OR2L5: variants seen among roughly 807,000 people sequenced by gnomAD.
OR2L5 encodes the protein olfactory receptor 2L5.
For missense variants in OR2L5, 413 were observed against 381.6 expected (o/e 1.08, Z -0.69); for synonymous variants, 169 against 142.0 (o/e 1.19, Z -1.35).
rs779551501 is a variant in OR2L5, at chr1:248,022,691, T to C, written c.744T>C (p.Thr248=). ...STCSTHLTVV[T]FYYAPFAYTY... ...GCAGCACCCACCTCACTGTAGTAACTTTCTACTATGCACCCTTTGCTTATA... is the reference window on the plus strand; with the variant it reads ...GCAGCACCCACCTCACTGTAGTAACCTTCTACTATGCACCCTTTGCTTATA... Residue 248 remains threonine (T), a synonymous_variant, in exon 2 of 2, where the codon ACT becomes ACC. Coordinates refer to ENST00000355281, the MANE Select transcript of OR2L5 (RefSeq NM_001258284.2). 10 of 1,613,990 alleles carry C rather than the reference T, an allele frequency of 6.2e-6. No individual in the cohort carries two copies. Among genetic ancestry groups the C allele is most frequent in the Admixed American group, 5.0e-5 (3 of 59,984 alleles).
rs1054122606 is a variant in OR2L5, at chr1:248,023,062, T to C, written c.*176T>C. The C allele has an allele frequency of 1.0e-5, 6 of 576,324 alleles. No individual in the cohort carries two copies. Among genetic ancestry groups the C allele is most frequent in the Non-Finnish European group, 1.7e-5 (6 of 345,370 alleles). The allele number at this position is 576,324 out of a possible 1,614,324, so 35.7% of individuals were successfully genotyped here. A position where few individuals can be genotyped will look rare whatever the true frequency, so the allele number is the denominator to read the frequency against. On this transcript the variant is annotated 3_prime_UTR_variant, in exon 2 of 2. Transcript: ENST00000355281. The stretch of plus-strand genomic sequence containing the variant: ...CATATTCTAAGACATCTATTTTGTT[T>C]CTGTTTGTGTTTCTTTTTATCAAAA...
chr1:248,017,574 A>T (rs950138940), intron 1 of OR2L5, among the ~76,000 whole-genome samples: 4 of 152,200 alleles, frequency 2.6e-5, no homozygotes, highest in African/African-American at 9.6e-5. Flanking sequence ...CTTCTGCCTT[A>T]TTGGGAAGTG....
chr1:248,022,750 C>T lies in OR2L5; in HGVS notation c.803C>T (p.Thr268Ile). 17 of 1,614,120 alleles carry T rather than the reference C, an allele frequency of 1.1e-5. No individual in the cohort carries two copies. The highest frequency in any genetic ancestry group is 1.4e-5 in the Non-Finnish European group (16 of 1,180,010). ...YLCPRSLRSL[T>I]EDKVLAVFYT... Reference sequence around the variant, plus strand: ...TGTCCAAGATCCCTGCGATCTCTGACAGAGGACAAGGTTCTGGCTGTTTTC... The same window carrying T: ...TGTCCAAGATCCCTGCGATCTCTGATAGAGGACAAGGTTCTGGCTGTTTTC... The change falls in exon 2 of 2, where the codon ACA (threonine) becomes ATA (isoleucine). Residue 268 changes from threonine (T) to isoleucine (I), a missense_variant. Physicochemically the swap from Thr to Ile is moderately conservative, Grantham distance 89 (BLOSUM62 -1). Coordinates refer to ENST00000355281, the MANE Select transcript of OR2L5 (RefSeq NM_001258284.2).
chr1:248,020,737 G>A (rs1381672948), intron 1 of OR2L5, among the ~76,000 whole-genome samples: 1 of 151,956 alleles, frequency 6.6e-6, no homozygotes, highest in African/African-American at 2.4e-5. Flanking sequence ...GTCTGACTTA[G>A]AGAAAGTTTG....
intron 1 of OR2L5, among the ~76,000 whole-genome samples, chr1:248,015,835 A>G (rs535158621): frequency 6.6e-6 from 1 of 152,328 alleles, no homozygotes; most frequent in Non-Finnish European, 1.5e-5. Context: ...TTTAAGAGGA[A>G]CAGCCATATT....
At chr1:248,021,566 A>G (rs1439657941) in intron 1 of OR2L5, among the ~76,000 whole-genome samples, 1 of 152,146 alleles carries the variant, frequency 6.6e-6, no homozygotes, top group Non-Finnish European at 1.5e-5. Context: ...TGTTCCCTTC[A>G]CTTTATTTCA....
At chr1:248,017,451 G>T (rs1001432288) in intron 1 of OR2L5, among the ~76,000 whole-genome samples, 1 of 152,182 alleles carries the variant, frequency 6.6e-6, no homozygotes, top group East Asian at 1.9e-4. Flanking sequence ...ATATCGTAAC[G>T]TCACAAAATA....
At position 248,022,762 on chromosome 1, in the gene OR2L5, T is replaced by C. The variant is rs762338980; in HGVS notation, c.815T>C (p.Val272Ala). ...RSLRSLTEDK[V>A]LAVFYTILTP... ...CTGCGATCTCTGACAGAGGACAAGG[T>C]TCTGGCTGTTTTCTACACCATCCTC... Residue 272 changes from valine to alanine, a missense_variant, in exon 2 of 2, where the codon GTT becomes GCT. By Grantham distance (64) the Val-to-Ala change is moderately conservative. Coordinates refer to ENST00000355281, the MANE Select transcript of OR2L5 (RefSeq NM_001258284.2). 6.2e-7 allele frequency: 1 copy of C among 1,614,044 alleles called. No homozygotes were observed. The highest frequency in any genetic ancestry group is 8.5e-7 in the Non-Finnish European group (1 of 1,180,000).
Position 248,022,055 on chromosome 1 carries a change from G to T in OR2L5, c.108G>T (p.Met36Ile), listed in dbSNP as rs766223097. The stretch of plus-strand genomic sequence containing the variant: ...TTCTCTTTGTTCTCATTTTCCTAAT[G>T]GCTCTAATTGGAAACCTATCCATGA... ...LFILFVLIFL[M>I]ALIGNLSMIL... Residue 36 changes from methionine to isoleucine, a missense_variant, in exon 2 of 2, where the codon ATG becomes ATT. Physicochemically the swap from Met to Ile is conservative, Grantham distance 10 (BLOSUM62 1). Coordinates refer to ENST00000355281, the MANE Select transcript of OR2L5 (RefSeq NM_001258284.2). The T allele has an allele frequency of 3.0e-5, 49 of 1,613,636 alleles. No homozygotes were observed. Among genetic ancestry groups the T allele is most frequent in the African/African-American group, 4.0e-5 (3 of 74,892 alleles).
chr1:248,015,087 G>C (rs1343303650), intron 1 of OR2L5, among the ~76,000 whole-genome samples: 4 of 152,094 alleles, frequency 2.6e-5, no homozygotes, highest in Admixed American at 2.0e-4. Context: ...GTTGTGACTT[G>C]GAAGCACACA....
chr1:248,016,988 A>G (rs1459671954), intron 1 of OR2L5, among the ~76,000 whole-genome samples: 1 of 152,134 alleles, frequency 6.6e-6, no homozygotes, highest in Non-Finnish European at 1.5e-5. Flanking sequence ...GTGTGTGGAG[A>G]TAGTCAATAA....
intron 1 of OR2L5, among the ~76,000 whole-genome samples, chr1:248,016,714 A>G (rs1245462487): frequency 6.6e-6 from 1 of 151,882 alleles, no homozygotes; most frequent in African/African-American, 2.4e-5. Flanking sequence ...ATATAAATGT[A>G]TATTTATATA....
Position 248,022,685 on chromosome 1 carries a change from A to G in OR2L5, c.738A>G (p.Val246=), listed in dbSNP as rs1433665906. The part of the protein sequence containing the change: ...AYSTCSTHLT[V]VTFYYAPFAY... Reference sequence around the variant, plus strand: ...CGACCTGCAGCACCCACCTCACTGTAGTAACTTTCTACTATGCACCCTTTG... The same window carrying G: ...CGACCTGCAGCACCCACCTCACTGTGGTAACTTTCTACTATGCACCCTTTG... The change falls in exon 2 of 2, where the codon GTA becomes GTG. Residue 246 remains valine (V), a synonymous_variant. Coordinates refer to ENST00000355281, the MANE Select transcript of OR2L5 (RefSeq NM_001258284.2). 3.1e-6 allele frequency: 5 copies of G among 1,614,012 alleles called. No homozygotes were observed. Among genetic ancestry groups the G allele is most frequent in the African/African-American group, 1.3e-5 (1 of 74,920 alleles).
rs1308518668 is a variant in OR2L5, at chr1:248,024,272, T to C, written c.*1386T>C. The C allele has an allele frequency of 6.6e-6, 1 of 152,114 alleles. No homozygotes were observed. Among genetic ancestry groups the C allele is most frequent in the Non-Finnish European group, 1.5e-5 (1 of 68,018 alleles). The allele number at this position is 152,114 out of a possible 1,614,324, so 9.4% of individuals were successfully genotyped here. ...CCAATGTAGAAAATTTTATATCTGA[T>C]TTGAAAAAACACTGTAGGTTTTAAT... On this transcript the variant is annotated 3_prime_UTR_variant, in exon 2 of 2. Transcript: ENST00000355281.
intron 1 of OR2L5, among the ~76,000 whole-genome samples, chr1:248,018,103 C>T (rs994677127): frequency 1.1e-4 from 17 of 148,874 alleles, no homozygotes; most frequent in Non-Finnish European, 2.4e-4. Flanking sequence ...TGCAGTGAGC[C>T]GAGATCACAC....
intron 1 of OR2L5, among the ~76,000 whole-genome samples, chr1:248,015,400 T>C (rs1346037179): frequency 2.6e-5 from 4 of 152,096 alleles, no homozygotes; most frequent in Admixed American, 1.3e-4. Context: ...TGATTGACAT[T>C]CTAGACAAGT....
At chr1:248,021,870 A>T in intron 1 of OR2L5, 57 bp from the exon 2 acceptor site, 1 of 1,177,596 alleles carries the variant, frequency 8.5e-7, no homozygotes, top group East Asian at 2.4e-5. Context: ...TTGGAATGCA[A>T]CCCCTGCAGA....
At position 248,017,827 on chromosome 1, in the gene OR2L5, T is replaced by A. The variant is rs147000728; in HGVS notation, c.-22+4089T>A. 4.8e-3 allele frequency among the ~76,000 whole-genome samples: 728 copies of A among 152,250 alleles called. 7 individuals are homozygous for A. The highest frequency in any genetic ancestry group is 0.017 in the African/African-American group (691 of 41,538). On this transcript the variant is annotated intron_variant, in intron 1 of 1. Transcript: ENST00000355281. ...CTCTAGAACTTCTAGGTAAACACAATGTCATACAAACTTGCCTTGTAGAAT... is the reference window on the plus strand; with the variant it reads ...CTCTAGAACTTCTAGGTAAACACAAAGTCATACAAACTTGCCTTGTAGAAT...
chr1:248,021,352 TCTAA>T (rs1157828057), intron 1 of OR2L5, among the ~76,000 whole-genome samples: 2 of 152,166 alleles, frequency 1.3e-5, no homozygotes, highest in Non-Finnish European at 2.9e-5. Flanking sequence ...TAATTCACAG[TCTAA>T]CTAAACTAAG....
Sources: allele counts gnomAD v4.1 joint callset (sites outside exome capture counted in the v4.1 genomes callset), GRCh38; gene constraint gnomAD v4.1.1; transcripts MANE v1.5; gene names NCBI Gene and HGNC (gene_info 2026-07-23, HGNC 2026-07-21).